The following NHSL1 variants were observed in gnomAD, a reference collection of about 807,000 sequenced individuals.
The protein encoded by NHSL1 is NHS like 1, also known as NHS-like protein 1.
Under a neutral mutation model 95.0 loss-of-function variants are expected in NHSL1, and 48 were observed. The observed-to-expected ratio is 0.51, with a 90% CI of 0.40 to 0.64. The LOEUF is 0.64. NHSL1 is among the 30% of genes least tolerant of loss of function. The pLI is 0.00. For synonymous variants in NHSL1, 783 were observed against 833.9 expected (o/e 0.94, Z 1.05); for missense variants, 1,971 against 2,077.7 (o/e 0.95, Z 1.00).
chr6:138,666,787 G>C (rs572395444), intron 1 of NHSL1, among the ~76,000 whole-genome samples: 1 of 152,242 alleles, frequency 6.6e-6, no homozygotes, highest in East Asian at 1.9e-4. Context: ...AGAATGTGAG[G>C]ATGGACACTC....
intron 1 of NHSL1, among the ~76,000 whole-genome samples, chr6:138,537,600 A>G (rs1782410430): frequency 6.6e-6 from 1 of 152,186 alleles, no homozygotes; most frequent in Admixed American, 6.6e-5. Context: ...GCTTTACTTA[A>G]TCCTCAATAT....
chr6:138,634,345 A>C (rs1485555115), intron 1 of NHSL1, among the ~76,000 whole-genome samples: 2 of 152,190 alleles, frequency 1.3e-5, no homozygotes, highest in Non-Finnish European at 2.9e-5. Flanking sequence ...CACATAGACC[A>C]AAAATAAATG....
chr6:138,596,710 C>A (rs928377278), intron 1 of NHSL1, among the ~76,000 whole-genome samples: 1 of 151,842 alleles, frequency 6.6e-6, no homozygotes, highest in African/African-American at 2.4e-5. Context: ...AGAGGTGAAC[C>A]AAGCTTGGTA....
At chr6:138,500,116 C>T (rs1780594583), upstream of NHSL1, among the ~76,000 whole-genome samples, 1 of 152,044 alleles carries the variant, frequency 6.6e-6, no homozygotes, top group African/African-American at 2.4e-5. Context: ...AATACAACTT[C>T]CCCACTCCAA....
Position 138,432,718 on chromosome 6 carries a change from C to T in NHSL1, c.1627G>A (p.Gly543Arg). The change falls in exon 6 of 8, where the codon GGG (glycine) becomes AGG (arginine). Residue 543 changes from glycine to arginine, a missense_variant. This residue lies in a region of NHSL1 where 1,602 missense variants were observed against 1,654.5 expected (regional missense o/e 0.97). Coordinates refer to ENST00000343505, the MANE Select transcript of NHSL1 (RefSeq NM_001144060.2). This position sits in a 1 kb window ranked among gnomAD's most constrained non-coding sequence, Gnocchi z 4.4. ...VDGKSESSYS[G>R]GGGHSSSEPW... ...TCCGAGCTGCTGTGCCCTCCGCCCC[C>T]TGAATAACTAGATTCACTCTTGCCA... 6.4e-7 allele frequency: 1 copy of T among 1,551,650 alleles called. No individual in the cohort carries two copies.
At chr6:138,526,860 T>C (rs1379027919) in intron 1 of NHSL1, among the ~76,000 whole-genome samples, 2 of 152,226 alleles carry the variant, frequency 1.3e-5, no homozygotes, top group East Asian at 3.8e-4. Flanking sequence ...TTAACCACTA[T>C]ACTAATGAAT....
At chr6:138,672,964 C>T (rs1210398160) in intron 1 of NHSL1, among the ~76,000 whole-genome samples, 1 of 152,062 alleles carries the variant, frequency 6.6e-6, no homozygotes, top group East Asian at 1.9e-4. Context: ...TTGCAGTGAG[C>T]CGAGATCGCA....
intron 3 of NHSL1, among the ~76,000 whole-genome samples, chr6:138,448,108 C>T (rs749457478): frequency 2.3e-4 from 35 of 152,210 alleles, no homozygotes; most frequent in Non-Finnish European, 3.8e-4. Flanking sequence ...TGTTTTGATA[C>T]AGATTAACAT....
Position 138,474,769 on chromosome 6 carries a change from A to G in NHSL1, c.212-1336T>C, listed in dbSNP as rs117350345. 1.1e-3 allele frequency among the ~76,000 whole-genome samples: 166 copies of G among 152,324 alleles called. No homozygotes were observed. The East Asian group carries it at 0.016, about 14-fold the overall frequency. ...CACAACATATTTTTAATGAGAATTTACTCATATTAATCTAACTCTTTATAA... is the reference window on the plus strand; with the variant it reads ...CACAACATATTTTTAATGAGAATTTGCTCATATTAATCTAACTCTTTATAA... On this transcript the variant is annotated intron_variant, in intron 2 of 7. Coordinates refer to ENST00000343505, the MANE Select transcript of NHSL1 (RefSeq NM_001144060.2).
chr6:138,570,585 G>A (rs1416987798), intron 1 of NHSL1, among the ~76,000 whole-genome samples: 2 of 152,170 alleles, frequency 1.3e-5, no homozygotes, highest in Admixed American at 1.3e-4. Context: ...TCCCTCTTGT[G>A]CCATAGTTTA....
At position 138,536,602 on chromosome 6, in the gene NHSL1, CTTTTTTTTTTTT is replaced by C. The variant is rs563509738; in HGVS notation, c.16+9009_16+9020del. Among the ~76,000 whole-genome samples, 56 of 80,038 alleles carry C rather than the reference CTTTTTTTTTTTT, an allele frequency of 7.0e-4. 2 individuals are homozygous for C. In the South Asian group the frequency reaches 0.025, roughly 35 times the overall value. 52.5% of individuals were successfully genotyped at this position (80,038 alleles called of 152,430 possible). ...GGTTTTGGAGAGGGACATATGTCATCTTTTTTTTTTTTTTTTTTTTTTTTTTTTTCACTTTAA... is the reference window on the plus strand; with the variant it reads ...GGTTTTGGAGAGGGACATATGTCATCTTTTTTTTTTTTTTTTTCACTTTAA... On this transcript the variant is annotated intron_variant, in intron 1 of 4. Transcript: ENST00000342260.
chr6:138,510,352 G>A (rs1164585277), intron 1 of NHSL1, among the ~76,000 whole-genome samples: 2 of 152,206 alleles, frequency 1.3e-5, no homozygotes, highest in African/African-American at 4.8e-5. Context: ...TTGGTTTGCT[G>A]ATGAACGAAC....
At chr6:138,472,374 G>A (rs1288389602) in intron 3 of NHSL1, among the ~76,000 whole-genome samples, 2 of 152,082 alleles carry the variant, frequency 1.3e-5, no homozygotes, top group African/African-American at 4.8e-5. Flanking sequence ...ATCCTTCCAA[G>A]TAGTTGATAC....
chr6:138,551,769 T>TTCAG (rs1189343585), intron 1 of NHSL1, among the ~76,000 whole-genome samples: 1 of 152,172 alleles, frequency 6.6e-6, no homozygotes, highest in Non-Finnish European at 1.5e-5. Context: ...TTTTAGTGCC[T>TTCAG]TCAGTCCATC....
chr6:138,640,231 T>G (rs1784943045), intron 1 of NHSL1, among the ~76,000 whole-genome samples: 1 of 152,170 alleles, frequency 6.6e-6, no homozygotes, highest in Non-Finnish European at 1.5e-5. Context: ...AAAACTTCCC[T>G]TACATTACAA....
intron 5 of NHSL1, among the ~76,000 whole-genome samples, chr6:138,437,474 C>A (rs1458287546): frequency 7.3e-6 from 1 of 137,276 alleles, no homozygotes; most frequent in Non-Finnish European, 1.5e-5. Context: ...TACAATGCAC[C>A]TAGTCACCCC....
At position 138,664,330 on chromosome 6, in the gene NHSL1, G is replaced by A. The variant is rs145392646; in HGVS notation, c.96+28146C>T. On this transcript the variant is annotated intron_variant, in intron 1 of 3. Transcript: ENST00000491526. The stretch of plus-strand genomic sequence containing the variant: ...TGACAAATTCTTACGCGCCAAGTAG[G>A]CTGGGTACCCAAGCCACACAAGCTA... Among the ~76,000 whole-genome samples the A allele has an allele frequency of 5.3e-3, 804 of 152,270 alleles. 15 individuals carry two copies. Among genetic ancestry groups the A allele is most frequent in the African/African-American group, 0.018 (764 of 41,550 alleles).
At chr6:138,456,623 G>A (rs899420171) in intron 3 of NHSL1, among the ~76,000 whole-genome samples, 1 of 152,192 alleles carries the variant, frequency 6.6e-6, no homozygotes, top group East Asian at 1.9e-4. Flanking sequence ...TGGGGATTCT[G>A]TGAAGGTTTC....
chr6:138,507,804 CAT>C (rs1376808361), intron 1 of NHSL1, among the ~76,000 whole-genome samples: 1 of 151,748 alleles, frequency 6.6e-6, no homozygotes, highest in Non-Finnish European at 1.5e-5. Flanking sequence ...AATGATGAAA[CAT>C]ATGACATACT....
Sources: allele counts gnomAD v4.1 joint callset (sites outside exome capture counted in the v4.1 genomes callset), GRCh38; gene constraint gnomAD v4.1.1; regional missense constraint gnomAD v4.1.1; non-coding constraint Gnocchi (gnomAD v3.1); transcripts MANE v1.5; gene names NCBI Gene and HGNC (gene_info 2026-07-23, HGNC 2026-07-21).